TENM4: variants seen among roughly 807,000 people sequenced by gnomAD.
TENM4 encodes the protein teneurin-4.
Under a neutral mutation model 243.3 loss-of-function variants are expected in TENM4, and 82 were observed. The observed-to-expected ratio is 0.34, with a 90% CI of 0.28 to 0.40. TENM4 has a LOEUF of 0.40. Ranked by LOEUF, TENM4 falls within the 10% of genes least tolerant of loss-of-function variation. The probability of loss-of-function intolerance (pLI) is 1.00; values close to 1 mark genes in which losing one functional copy is unlikely to be tolerated. For synonymous variants in TENM4, 1,412 were observed against 1,456.3 expected (o/e 0.97, Z 0.69); for missense variants, 3,138 against 3,673.3 (o/e 0.85, Z 3.77).
intron 6 of TENM4, among the ~76,000 whole-genome samples, chr11:79,058,499 G>A (rs900856990): frequency 4.0e-5 from 6 of 151,064 alleles, no homozygotes; most frequent in African/African-American, 9.8e-5. Flanking sequence ...AGCTGAGATC[G>A]TGCCACTGCA....
At chr11:79,210,500 C>T (rs1863936200) in intron 3 of TENM4, among the ~76,000 whole-genome samples, 1 of 152,168 alleles carries the variant, frequency 6.6e-6, no homozygotes, top group South Asian at 2.1e-4. Flanking sequence ...CAGTACATAG[C>T]AGTAAACACT....
intron 1 of TENM4, among the ~76,000 whole-genome samples, chr11:79,373,441 G>A (rs936412679): frequency 3.9e-5 from 6 of 151,996 alleles, no homozygotes; most frequent in Non-Finnish European, 8.8e-5. Flanking sequence ...TGGATGAATG[G>A]ATGGATGGCT....
chr11:79,373,330 C>CTGGA (rs1289784552), intron 1 of TENM4, among the ~76,000 whole-genome samples: 82 of 96,226 alleles, frequency 8.5e-4, no homozygotes, highest in South Asian at 2.4e-3. Context: ...GGCTGGCTGG[C>CTGGA]TGGATGGATG....
In TENM4 at chr11:78,708,435, A is replaced by G; in HGVS notation, c.4135T>C (p.Ser1379Pro). 1 of 1,614,050 alleles carries G rather than the reference A, an allele frequency of 6.2e-7. No individual in the cohort carries two copies. Among genetic ancestry groups the G allele is most frequent in the East Asian group, 2.2e-5 (1 of 44,888 alleles). Reference sequence around the variant, plus strand: ...AGATCATTAGAGCCGAGCAGGGTGGAGATGATCCCATTCTGATCGATGCGT... The same window carrying G: ...AGATCATTAGAGCCGAGCAGGGTGGGGATGATCCCATTCTGATCGATGCGT... ...IRRIDQNGII[S>P]TLLGSNDLTS... Residue 1379 changes from serine to proline, a missense_variant, in exon 27 of 34, where the codon TCC becomes CCC. Physicochemically the swap from Ser to Pro is moderately conservative, Grantham distance 74 (BLOSUM62 -1). This residue lies in a region of TENM4 where 2,467 missense variants were observed against 3,059.1 expected (regional missense o/e 0.81). Coordinates refer to ENST00000278550, the MANE Select transcript of TENM4 (RefSeq NM_001098816.3).
In TENM4 at chr11:79,037,015, C is replaced by CAAAAAAAA. The variant is rs369421583; in HGVS notation, c.493+27715_493+27722dup. Among the ~76,000 whole-genome samples, 385 of 90,898 alleles carry CAAAAAAAA rather than the reference C, an allele frequency of 4.2e-3. 3 individuals are homozygous for CAAAAAAAA. Among genetic ancestry groups the CAAAAAAAA allele is most frequent in the East Asian group, 0.024 (53 of 2,204 alleles). 59.6% of individuals were successfully genotyped at this position (90,898 alleles called of 152,430 possible). On this transcript the variant is annotated intron_variant, in intron 6 of 33. Transcript: ENST00000278550. The stretch of plus-strand genomic sequence containing the variant: ...TGGGCAACAGAACAAGACTCCATCT[C>CAAAAAAAA]AAAAAAAAAAAAAAAAAAAAAAAAA...
rs1411016630 is a variant in TENM4 at position 79,365,372 on chromosome 11, A to G, written c.-320-67829T>C. On this transcript the variant is annotated intron_variant, in intron 1 of 33. Transcript: ENST00000278550. Reference sequence around the variant, plus strand: ...AAAATCAGACAGCCGAAAAGCTCCCAGTAGCAACTGTATTATGAATGATTC... The same window carrying G: ...AAAATCAGACAGCCGAAAAGCTCCCGGTAGCAACTGTATTATGAATGATTC... 1.1e-4 allele frequency among the ~76,000 whole-genome samples: 17 copies of G among 152,304 alleles called. No homozygotes were observed. The East Asian group carries it at 2.9e-3, about 26-fold the overall frequency.
intron 7 of TENM4, among the ~76,000 whole-genome samples, chr11:78,892,727 T>C (rs1197142276): frequency 6.6e-6 from 1 of 152,226 alleles, no homozygotes; most frequent in Non-Finnish European, 1.5e-5. Context: ...ATTTAAATTT[T>C]ATTCCTCACA....
intron 1 of TENM4, among the ~76,000 whole-genome samples, chr11:79,417,185 G>C (rs762348678): frequency 5.9e-5 from 9 of 152,218 alleles, no homozygotes; most frequent in Non-Finnish European, 1.3e-4. Context: ...AGGCAGGTGT[G>C]TTTCATGCGT....
intron 6 of TENM4, among the ~76,000 whole-genome samples, chr11:78,976,154 T>G (rs1224596932): frequency 6.6e-6 from 1 of 152,238 alleles, no homozygotes; most frequent in Non-Finnish European, 1.5e-5. Context: ...AGGACAATAA[T>G]GTTCAAAGTG....
At chr11:78,928,138 C>T (rs1381057322) in intron 6 of TENM4, among the ~76,000 whole-genome samples, 3 of 152,166 alleles carry the variant, frequency 2.0e-5, no homozygotes, top group Admixed American at 6.5e-5. Context: ...AGCAAGACCC[C>T]ACCTTCCCCG....
At chr11:78,675,740 A>G (rs944341842) in intron 30 of TENM4, among the ~76,000 whole-genome samples, 4 of 152,206 alleles carry the variant, frequency 2.6e-5, no homozygotes, top group African/African-American at 9.6e-5. Flanking sequence ...AAATCATAAC[A>G]ATAACAATAA....
intron 7 of TENM4, among the ~76,000 whole-genome samples, chr11:78,902,146 C>T (rs985174341): frequency 2.0e-5 from 3 of 152,142 alleles, no homozygotes; most frequent in Admixed American, 6.5e-5. Flanking sequence ...AAAGTGGTTC[C>T]AGTTTTGCCA....
chr11:78,781,241 C>G (rs1014865610), intron 16 of TENM4, among the ~76,000 whole-genome samples: 1 of 152,186 alleles, frequency 6.6e-6, no homozygotes, highest in South Asian at 2.1e-4. Flanking sequence ...AAAGATGATG[C>G]AAGCTTTGCA....
chr11:79,228,551 A>G (rs1864317426), intron 2 of TENM4, among the ~76,000 whole-genome samples: 1 of 151,988 alleles, frequency 6.6e-6, no homozygotes, highest in South Asian at 2.1e-4. Context: ...GTGCCCACCC[A>G]CGCAGACACA....
chr11:78,904,283 C>A (rs1242587562), intron 6 of TENM4, among the ~76,000 whole-genome samples: 1 of 147,192 alleles, frequency 6.8e-6, no homozygotes. Context: ...TGGCGTGAAC[C>A]TGGGAGGCGG....
At chr11:79,359,078 C>A (rs982368930) in intron 1 of TENM4, among the ~76,000 whole-genome samples, 7 of 151,718 alleles carry the variant, frequency 4.6e-5, no homozygotes, top group Admixed American at 4.6e-4. Context: ...CCAGTCTGGG[C>A]AACATAGCAA....
intron 6 of TENM4, among the ~76,000 whole-genome samples, chr11:79,014,026 T>G (rs1175764100): frequency 6.6e-6 from 1 of 152,160 alleles, no homozygotes; most frequent in South Asian, 2.1e-4. Context: ...TATGACATTC[T>G]TATTGATTTG....
chr11:78,815,897 G>A (rs1008807698), intron 12 of TENM4, among the ~76,000 whole-genome samples: 1 of 152,200 alleles, frequency 6.6e-6, no homozygotes, highest in Non-Finnish European at 1.5e-5. Flanking sequence ...CCGAGCCTTC[G>A]GGCTCCACGC....
At chr11:79,054,637 A>G (rs1859894992) in intron 6 of TENM4, among the ~76,000 whole-genome samples, 1 of 151,990 alleles carries the variant, frequency 6.6e-6, no homozygotes, top group Non-Finnish European at 1.5e-5. Flanking sequence ...TCAGAAGCAC[A>G]CCATCATCCT....
Sources: allele counts gnomAD v4.1 joint callset (sites outside exome capture counted in the v4.1 genomes callset), GRCh38; gene constraint gnomAD v4.1.1; regional missense constraint gnomAD v4.1.1; transcripts MANE v1.5; gene names NCBI Gene and HGNC (gene_info 2026-07-23, HGNC 2026-07-21).